The following FRY variants were observed in gnomAD, a reference collection of about 807,000 sequenced individuals.
FRY encodes protein furry homolog.
Under a neutral mutation model 348.4 loss-of-function variants are expected in FRY, and 128 were observed. That is an observed-to-expected ratio of 0.37 (90% confidence interval 0.32 to 0.43). The LOEUF (loss-of-function observed/expected upper bound fraction) is 0.43. Among genes scored for constraint, FRY ranks in the 20% least tolerant of loss-of-function variants. The pLI is 1.00. For missense variants in FRY, 2,736 were observed against 3,695.2 expected (o/e 0.74, Z 6.73); for synonymous variants, 1,370 against 1,374.7 (o/e 1.00, Z 0.08).
In FRY at chr13:32,187,147, A is replaced by C. The variant is rs184068592; in HGVS notation, c.3481-399A>C. On this transcript the variant is annotated intron_variant, in intron 27 of 60. Transcript: ENST00000542859. ...TTATACTGTCTCAGTTCAATACGTT[A>C]GTCCAATATTTGTCGTAAAAGCAAA... is the stretch of plus-strand genomic sequence containing the variant. Among the ~76,000 whole-genome samples, 350 of 152,306 alleles carry C rather than the reference A, an allele frequency of 2.3e-3. 1 individual carries two copies. Among genetic ancestry groups the C allele is most frequent in the African/African-American group, 8.1e-3 (335 of 41,566 alleles).
At chr13:32,288,187 G>A (rs1477047819) in intron 58 of FRY, among the ~76,000 whole-genome samples, 1 of 152,204 alleles carries the variant, frequency 6.6e-6, no homozygotes, top group Non-Finnish European at 1.5e-5. Flanking sequence ...AAATTGTGAA[G>A]GTAATATTGT....
chr13:32,151,570 C>A (rs1392669876), intron 14 of FRY, among the ~76,000 whole-genome samples: 1 of 152,248 alleles, frequency 6.6e-6, no homozygotes, highest in East Asian at 1.9e-4. Flanking sequence ...GCTTGTGGAA[C>A]AAGGCCTGGA....
rs185101853 is a variant in FRY, at chr13:32,263,477, G to A, written c.7779+1002G>A. Among the ~76,000 whole-genome samples the A allele has an allele frequency of 2.9e-3, 437 of 152,056 alleles. 2 individuals carry two copies. The highest frequency in any genetic ancestry group is 0.01 in the African/African-American group (422 of 41,474). On this transcript the variant is annotated intron_variant, in intron 53 of 60. Coordinates refer to ENST00000542859, the MANE Select transcript of FRY (RefSeq NM_023037.3). ...ATTTCTAAGATTGCCTCATTGCAAA[G>A]GTACTACAATCAGGATTCTTGGAAT...
At chr13:32,209,797 T>C (rs1015702835) in intron 33 of FRY, 66 bp downstream of exon 33, 49 of 1,472,446 alleles carry the variant, frequency 3.3e-5, no homozygotes, top group Non-Finnish European at 4.4e-5. Context: ...AATTTGCAAG[T>C]CAGAATGTGC....
At chr13:32,286,148 G>A (rs865998451) in intron 58 of FRY, among the ~76,000 whole-genome samples, 7 of 152,114 alleles carry the variant, frequency 4.6e-5, no homozygotes, top group South Asian at 2.1e-4. Context: ...TACATTTGTC[G>A]ATACTAATTA....
chr13:32,127,155 A>G (rs985415883), intron 7 of FRY, among the ~76,000 whole-genome samples: 1 of 152,206 alleles, frequency 6.6e-6, no homozygotes, highest in East Asian at 1.9e-4. Context: ...TTAAATAGTA[A>G]TAATACTTCA....
At chr13:32,208,670 T>G (rs1341812896) in intron 31 of FRY, among the ~76,000 whole-genome samples, 183 bp from the exon 32 acceptor site, 2 of 152,232 alleles carry the variant, frequency 1.3e-5, no homozygotes, top group African/African-American at 4.8e-5. Flanking sequence ...GCGCACCAGA[T>G]GTGGAGCAAC....
intron 43 of FRY, among the ~76,000 whole-genome samples, 197 bp downstream of exon 43, chr13:32,236,369 C>T (rs1169834780): frequency 7.1e-6 from 1 of 141,256 alleles, no homozygotes; most frequent in Non-Finnish European, 1.6e-5. Flanking sequence ...CACACACACA[C>T]ATTATATAAG....
At chr13:32,233,574 A>G (rs1481305832) in intron 41 of FRY, among the ~76,000 whole-genome samples, 1 of 152,252 alleles carries the variant, frequency 6.6e-6, no homozygotes. Flanking sequence ...CAATATCTGC[A>G]TATCAATAAA....
rs745846818 is a variant in FRY at position 32,187,682 on chromosome 13, T to C, written c.3591+26T>C. ...GTAAGTATAGGCAAAAATACATTGT[T>C]TTTGAATGTCTTCTGTGTTCTGCCT... On this transcript the variant is annotated intron_variant, in intron 28 of 60. Coordinates refer to ENST00000542859, the MANE Select transcript of FRY (RefSeq NM_023037.3). The C allele has an allele frequency of 2.4e-6, 3 of 1,232,254 alleles. No homozygotes were observed. In the African/African-American group the frequency reaches 4.4e-5, roughly 18 times the overall value. 76.3% of individuals were successfully genotyped at this position (1,232,254 alleles called of 1,614,324 possible).
At position 32,210,872 on chromosome 13, in the gene FRY, A is replaced by G. The variant is rs201150975; in HGVS notation, c.4429A>G (p.Lys1477Glu). The G allele has an allele frequency of 6.2e-7, 1 of 1,613,898 alleles. No homozygotes were observed. The highest frequency in any genetic ancestry group is 8.5e-7 in the Non-Finnish European group (1 of 1,179,778). The change falls in exon 34 of 61, where the codon AAA (lysine) becomes GAA (glutamate). Residue 1477 changes from lysine to glutamate, a missense_variant. Physicochemically the swap from Lys to Glu is moderately conservative, Grantham distance 56. Transcript: ENST00000542859. ...SDTVLLPYIK[K>E]VAIYLCRNNT... is the part of the protein sequence containing the mutation. ...TTTCTTTTTTCCTTCTCAGATTAAAAAAGTGGCAATATACTTGTGCCGTAA... is the reference window on the plus strand; with the variant it reads ...TTTCTTTTTTCCTTCTCAGATTAAAGAAGTGGCAATATACTTGTGCCGTAA...
Position 32,261,894 on chromosome 13 carries a change from C to G in FRY, c.7617+78C>G, listed in dbSNP as rs1405829135. 8.9e-6 allele frequency: 12 copies of G among 1,353,004 alleles called. No individual in the cohort carries two copies. In the East Asian group the frequency reaches 2.8e-4, roughly 32 times the overall value. 83.8% of individuals were successfully genotyped at this position (1,353,004 alleles called of 1,614,324 possible). ...AATGCAGGAGGACAGTTTCCAGTTGCAGCTAAGGAAACTTTCCACAGCTGC... is the reference window on the plus strand; with the variant it reads ...AATGCAGGAGGACAGTTTCCAGTTGGAGCTAAGGAAACTTTCCACAGCTGC... On this transcript the variant is annotated intron_variant, in intron 52 of 60. Coordinates refer to ENST00000542859, the MANE Select transcript of FRY (RefSeq NM_023037.3).
intron 13 of FRY, among the ~76,000 whole-genome samples, chr13:32,148,597 A>G (rs1440261686): frequency 6.6e-6 from 1 of 152,252 alleles, no homozygotes; most frequent in Non-Finnish European, 1.5e-5. Context: ...GCAGAGGAAC[A>G]GGAAAAGACT....
intron 14 of FRY, among the ~76,000 whole-genome samples, chr13:32,153,246 A>G (rs966054278): frequency 1.3e-5 from 2 of 152,198 alleles, no homozygotes; most frequent in African/African-American, 4.8e-5. Context: ...CGTTTGTGCA[A>G]ACATTTATAG....
intron 1 of FRY, among the ~76,000 whole-genome samples, chr13:32,045,097 T>C (rs774565381): frequency 6.6e-6 from 1 of 152,304 alleles, no homozygotes; most frequent in East Asian, 1.9e-4. Flanking sequence ...ATCTCCAAAA[T>C]AGGATATTTT....
intron 4 of FRY, among the ~76,000 whole-genome samples, chr13:32,123,873 C>T (rs1258531189): frequency 6.6e-6 from 1 of 152,148 alleles, no homozygotes; most frequent in African/African-American, 2.4e-5. Context: ...CTCTGCCTCC[C>T]AGGCTGGAGT....
In FRY at chr13:32,289,644, G is replaced by A. The variant is rs1412381313; in HGVS notation, c.8481G>A (p.Leu2827=). 2 of 1,590,870 alleles carry A rather than the reference G, an allele frequency of 1.3e-6. No homozygotes were observed. The highest frequency in any genetic ancestry group is 1.3e-5 in the African/African-American group (1 of 74,496). ...PGDSEEKQLE[L]CQRLYKLHFQ... is the part of the protein sequence containing the mutation. ...ATTTCTCTCTTTAGCAATTGGAACT[G>A]TGTCAGAGATTATATAAGCTACACT... is the stretch of plus-strand genomic sequence containing the variant. The change falls in exon 59 of 61, where the codon CTG becomes CTA. Residue 2827 remains leucine (L), a synonymous_variant. Transcript: ENST00000542859.
At chr13:32,267,482 C>T (rs1380945) in intron 55 of FRY, 123 bp downstream of exon 55, 430,431 of 794,202 alleles carry the variant, frequency 0.54, 120,569 homozygotes, top group Middle Eastern at 0.62. Context: ...CCTCCAGACA[C>T]CCCTAAATTT....
chr13:32,102,060 C>T (rs773079707), intron 3 of FRY, 44 bp downstream of exon 3: 1 of 1,128,932 alleles, frequency 8.9e-7, no homozygotes, highest in South Asian at 1.2e-5. Flanking sequence ...TTTATTTCAG[C>T]ATTCACGCAA....
Sources: gnomAD v4.1 joint callset for allele counts (sites outside exome capture counted in the v4.1 genomes callset) on GRCh38, gnomAD v4.1.1 for gene constraint, MANE v1.5 for transcripts, NCBI Gene and HGNC (gene_info 2026-07-23, HGNC 2026-07-21) for gene names.